The following ADGRB3 variants were observed in gnomAD, a reference collection of about 807,000 sequenced individuals.
The protein encoded by ADGRB3 is adhesion G protein-coupled receptor B3, also known as brain-specific angiogenesis inhibitor 3.
In ADGRB3, 37 loss-of-function variants were observed where a neutral mutation model predicts 193.4. That is an observed-to-expected ratio of 0.19 (90% CI 0.15 to 0.25). ADGRB3 has a LOEUF of 0.25. Among genes scored for constraint, ADGRB3 ranks in the 10% least tolerant of loss-of-function variants. ADGRB3 has a pLI of 1.00. For synonymous variants in ADGRB3, 690 were observed against 644.2 expected (o/e 1.07, Z -1.08); for missense variants, 1,637 against 1,852.9 (o/e 0.88, Z 2.14).
At chr6:68,926,376 G>A (rs189176901) in intron 3 of ADGRB3, among the ~76,000 whole-genome samples, 28 of 152,210 alleles carry the variant, frequency 1.8e-4, no homozygotes, top group African/African-American at 6.7e-4. Flanking sequence ...TGAGGAGACA[G>A]TTCATGGAGG....
intron 1 of ADGRB3, among the ~76,000 whole-genome samples, chr6:68,636,506 C>A (rs1405911430): frequency 6.6e-6 from 1 of 151,874 alleles, no homozygotes; most frequent in African/African-American, 2.4e-5. Flanking sequence ...CCGTGGCCAG[C>A]CTTTGCCCCC....
chr6:69,157,983 T>G (rs1774890559), intron 17 of ADGRB3, among the ~76,000 whole-genome samples: 1 of 152,132 alleles, frequency 6.6e-6, no homozygotes. Flanking sequence ...GGACTGGTAT[T>G]TTGTTACTTG....
At chr6:69,301,847 C>T (rs1767955449) in intron 20 of ADGRB3, among the ~76,000 whole-genome samples, 2 of 151,942 alleles carry the variant, frequency 1.3e-5, no homozygotes, top group South Asian at 2.1e-4. Flanking sequence ...TATGTAGATG[C>T]AGGATTTCTA....
chr6:68,695,591 T>A (rs1171341443), intron 3 of ADGRB3, among the ~76,000 whole-genome samples: 1 of 151,990 alleles, frequency 6.6e-6, no homozygotes. Context: ...CCCCCTGGAT[T>A]GTGTGACATT....
chr6:69,322,840 G>C (rs762899874), intron 20 of ADGRB3, among the ~76,000 whole-genome samples: 1 of 151,892 alleles, frequency 6.6e-6, no homozygotes, highest in Non-Finnish European at 1.5e-5. Flanking sequence ...AGGATAAATA[G>C]TTTATCCAGC....
chr6:68,809,075 TA>T (rs35307856), intron 3 of ADGRB3, among the ~76,000 whole-genome samples: 113,901 of 151,774 alleles, frequency 0.75, 43,062 homozygotes, highest in Middle Eastern at 0.88. Context: ...TGTGCTGGTT[TA>T]AAAAAAATTT....
chr6:68,842,771 C>A (rs934527112), intron 3 of ADGRB3, among the ~76,000 whole-genome samples: 1 of 151,884 alleles, frequency 6.6e-6, no homozygotes, highest in African/African-American at 2.4e-5. Flanking sequence ...AAATCCTCAA[C>A]AAAATACTCG....
chr6:69,047,684 G>GGAGAT (rs1771277022), intron 13 of ADGRB3, among the ~76,000 whole-genome samples: 2 of 151,814 alleles, frequency 1.3e-5, no homozygotes, highest in Admixed American at 6.6e-5. Flanking sequence ...AAGTAATATG[G>GGAGAT]CTTTGTTCTC....
At position 69,053,084 on chromosome 6, in the gene ADGRB3, G is replaced by T. The variant is rs183484611; in HGVS notation, c.2333+3738G>T. Among the ~76,000 whole-genome samples the T allele has an allele frequency of 2.1e-3, 321 of 152,272 alleles. 2 individuals carry two copies. The highest frequency in any genetic ancestry group is 7.4e-3 in the African/African-American group (307 of 41,552). On this transcript the variant is annotated intron_variant, in intron 15 of 31. Transcript: ENST00000370598. ...GCCTGTAGTCCCAGATACTTGGGAG[G>T]CTTAGGTGGTAGAATCACTCGAATC...
chr6:68,715,126 A>G (rs961265474), intron 3 of ADGRB3, among the ~76,000 whole-genome samples: 1 of 151,772 alleles, frequency 6.6e-6, no homozygotes, highest in African/African-American at 2.4e-5. Context: ...GTACAGCAAA[A>G]CTATAGTCTG....
intron 17 of ADGRB3, among the ~76,000 whole-genome samples, chr6:69,205,958 T>G (rs1765528435): frequency 2.0e-5 from 3 of 149,244 alleles, no homozygotes. Context: ...GCTAATTTTT[T>G]TTTTTTACAT....
At chr6:68,937,096 A>G (rs1301771633) in intron 5 of ADGRB3, among the ~76,000 whole-genome samples, 1 of 152,202 alleles carries the variant, frequency 6.6e-6, no homozygotes, top group Non-Finnish European at 1.5e-5. Context: ...CAGTTTTTCT[A>G]TCACTTATCT....
Position 69,355,842 on chromosome 6 carries a change from G to T in ADGRB3, c.3577G>T (p.Asp1193Tyr). 6.2e-7 allele frequency: 1 copy of T among 1,607,858 alleles called. No homozygotes were observed. Among genetic ancestry groups the T allele is most frequent in the Non-Finnish European group, 8.5e-7 (1 of 1,174,900 alleles). ...ACAGACAGACTTTGAAAAGGATGTA[G>T]ACATTGCCTGTCGATCAGGTAAGAA... ...QIMTDFEKDV[D>Y]IACRSVLHKD... is the part of the protein sequence containing the mutation. The change falls in exon 28 of 32, where the codon GAC (aspartate) becomes TAC (tyrosine). Residue 1193 changes from aspartate (D) to tyrosine (Y), a missense_variant. Around this residue, in one of 7 missense-constraint regions of ADGRB3, gnomAD observed 116 missense variants for 168.1 expected, o/e 0.69. Coordinates refer to ENST00000370598, the MANE Select transcript of ADGRB3 (RefSeq NM_001704.3).
chr6:68,751,585 A>G (rs1766199973), intron 3 of ADGRB3, among the ~76,000 whole-genome samples: 1 of 152,202 alleles, frequency 6.6e-6, no homozygotes, highest in South Asian at 2.1e-4. Context: ...TCAAAATCTT[A>G]TTAAAATTTT....
At chr6:68,837,865 C>T (rs1272749705) in intron 3 of ADGRB3, among the ~76,000 whole-genome samples, 1 of 152,098 alleles carries the variant, frequency 6.6e-6, no homozygotes, top group African/African-American at 2.4e-5. Context: ...TGGATTTAGC[C>T]AGGTTTAAAA....
intron 3 of ADGRB3, among the ~76,000 whole-genome samples, chr6:68,882,554 G>A (rs1582280506): frequency 1.3e-5 from 2 of 152,058 alleles, no homozygotes; most frequent in African/African-American, 4.8e-5. Context: ...TGCATTATCT[G>A]ATTCTATCCA....
intron 28 of ADGRB3, among the ~76,000 whole-genome samples, chr6:69,358,475 G>C (rs1433066514): frequency 6.6e-6 from 1 of 151,792 alleles, no homozygotes; most frequent in Non-Finnish European, 1.5e-5. Flanking sequence ...CCTAATACAG[G>C]CCAGTGCCAT....
intron 8 of ADGRB3, 109 bp from the exon 9 acceptor site, chr6:68,974,654 A>G (rs1768689361): frequency 2.5e-6 from 2 of 810,568 alleles, no homozygotes; most frequent in East Asian, 2.6e-5. Context: ...GAAAGAAAAA[A>G]AAAGAAAACT....
At chr6:68,936,052 C>CAGGT (rs1460848145) in intron 4 of ADGRB3, among the ~76,000 whole-genome samples, 4 of 152,132 alleles carry the variant, frequency 2.6e-5, no homozygotes, top group African/African-American at 9.7e-5. Flanking sequence ...TCCAAGCTCC[C>CAGGT]AGGTTTCCAC....
Sources: gnomAD v4.1 joint callset for allele counts (sites outside exome capture counted in the v4.1 genomes callset) on GRCh38, gnomAD v4.1.1 for gene constraint, gnomAD v4.1.1 regional missense constraint, MANE v1.5 for transcripts, NCBI Gene and HGNC (gene_info 2026-07-23, HGNC 2026-07-21) for gene names.